PAX3: variants seen among roughly 807,000 people sequenced by gnomAD.
The protein encoded by PAX3 is paired box 3.
PAX3 carries 14 observed loss-of-function variants against 51.6 expected under a neutral mutation model. The observed-to-expected ratio is 0.27, with a 90% CI of 0.18 to 0.42. The LOEUF (loss-of-function observed/expected upper bound fraction) is 0.42, where lower values mean the gene tolerates loss of function less well. PAX3 is among the 10% of genes least tolerant of loss of function. PAX3 has a pLI of 1.00. For synonymous variants in PAX3, 280 were observed against 253.4 expected (o/e 1.11, Z -1.00); for missense variants, 540 against 642.8 (o/e 0.84, Z 1.73).
At chr2:222,222,675 G>A (rs1282023032) in intron 5 of PAX3, among the ~76,000 whole-genome samples, 3 of 152,154 alleles carry the variant, frequency 2.0e-5, no homozygotes, top group Non-Finnish European at 4.4e-5. Flanking sequence ...GATTACAGGC[G>A]TGAGCCACCC....
chr2:222,236,354 A>T (rs1310309896), intron 4 of PAX3, among the ~76,000 whole-genome samples: 2 of 152,106 alleles, frequency 1.3e-5, no homozygotes, highest in Non-Finnish European at 2.9e-5. Context: ...CCAGCCTCCC[A>T]AATAGCTGGG....
chr2:222,201,844 A>G, intron 8 of PAX3, 100 bp downstream of exon 8: 1 of 1,610,026 alleles, frequency 6.2e-7, no homozygotes, highest in Non-Finnish European at 8.5e-7. Flanking sequence ...TGATACCGGC[A>G]TGTGTGGCTT....
At chr2:222,221,740 C>G (rs959763474) in intron 5 of PAX3, 1 of 311,914 alleles carries the variant, frequency 3.2e-6, no homozygotes, top group African/African-American at 2.1e-5. Context: ...GGGGAGGATA[C>G]ATGAGCCTCT....
At chr2:222,259,075 ACATTT>A (rs1223591142) in intron 4 of PAX3, among the ~76,000 whole-genome samples, 1 of 152,224 alleles carries the variant, frequency 6.6e-6, no homozygotes, top group Admixed American at 6.5e-5. Context: ...AATAATCTTA[ACATTT>A]CAAGTTTCCT....
chr2:222,265,320 C>T (rs886614430), intron 4 of PAX3, among the ~76,000 whole-genome samples: 5 of 152,250 alleles, frequency 3.3e-5, no homozygotes, highest in Middle Eastern at 3.4e-3. Context: ...CTAGGTTCTA[C>T]GCTTTCCCCG....
chr2:222,207,320 A>G (rs1691550365), intron 7 of PAX3, among the ~76,000 whole-genome samples: 1 of 152,194 alleles, frequency 6.6e-6, no homozygotes, highest in Non-Finnish European at 1.5e-5. Context: ...CTAAATAATT[A>G]GATTTTGGGT....
At chr2:222,256,873 GA>G (rs1693666322) in intron 4 of PAX3, among the ~76,000 whole-genome samples, 1 of 152,226 alleles carries the variant, frequency 6.6e-6, no homozygotes, top group African/African-American at 2.4e-5. Context: ...TAAAAAGACA[GA>G]TAGGGCCACC....
At chr2:222,296,910 C>G (rs45518739) in intron 2 of PAX3, 68 bp downstream of exon 2, 2 of 1,339,988 alleles carry the variant, frequency 1.5e-6, no homozygotes, top group Non-Finnish European at 2.1e-6. Context: ...CCGTTACCCC[C>G]CGCCCGGTCT....
At chr2:222,255,322 A>T (rs1359517049) in intron 4 of PAX3, among the ~76,000 whole-genome samples, 2 of 152,128 alleles carry the variant, frequency 1.3e-5, no homozygotes, top group Non-Finnish European at 2.9e-5. Flanking sequence ...CTTCAAGGAG[A>T]TAGGCTGAGC....
At chr2:222,242,470 T>C (rs1693053193) in intron 4 of PAX3, 1 of 152,196 alleles carries the variant, frequency 6.6e-6, no homozygotes, top group Non-Finnish European at 1.5e-5. Flanking sequence ...TTTGGAGGGA[T>C]ACTGTCATCC....
At chr2:222,242,285 C>G (rs531475826) in intron 4 of PAX3, 2 of 152,242 alleles carry the variant, frequency 1.3e-5, no homozygotes, top group South Asian at 4.2e-4. Context: ...ACAGATCTCT[C>G]AAAGCCCTTC....
At chr2:222,278,124 AT>A (rs1694496049) in intron 4 of PAX3, among the ~76,000 whole-genome samples, 1 of 152,098 alleles carries the variant, frequency 6.6e-6, no homozygotes, top group Non-Finnish European at 1.5e-5. Context: ...CAATTTCTGA[AT>A]CCCAGATATC....
Position 222,220,180 on chromosome 2 carries a change from T to C in PAX3, c.1133A>G (p.Asn378Ser). The C allele has an allele frequency of 6.2e-7, 1 of 1,613,530 alleles. No individual in the cohort carries two copies. The highest frequency in any genetic ancestry group is 2.2e-5 in the East Asian group (1 of 44,784). ...ATTGCCAATGGTGGGGTTCATGGGG[T>C]TGGAGGGCCCCGACGGAGGCACAAA... is the stretch of plus-strand genomic sequence containing the variant. Reference protein sequence around the residue: ...DSFVPPSGPSNPMNPTIGNGL... With the variant: ...DSFVPPSGPSSPMNPTIGNGL... The change falls in exon 7 of 9, where the codon AAC becomes AGC. Residue 378 changes from asparagine to serine, a missense_variant. This residue lies in a region of PAX3 where 427 missense variants were observed against 483.6 expected (regional missense o/e 0.88). Transcript: ENST00000392070.
At chr2:222,222,240 G>A (rs1214275508) in intron 5 of PAX3, among the ~76,000 whole-genome samples, 2 of 151,986 alleles carry the variant, frequency 1.3e-5, no homozygotes, top group Admixed American at 6.6e-5. Context: ...TGTGATATAA[G>A]GCCTTTCATG....
chr2:222,270,093 C>T (rs1293013406), intron 4 of PAX3, among the ~76,000 whole-genome samples: 3 of 152,222 alleles, frequency 2.0e-5, no homozygotes, highest in Non-Finnish European at 4.4e-5. Context: ...AGCAAACCAA[C>T]AGCACCAGAG....
At chr2:222,266,486 A>T (rs774458268) in intron 4 of PAX3, among the ~76,000 whole-genome samples, 6 of 152,160 alleles carry the variant, frequency 3.9e-5, no homozygotes, top group Non-Finnish European at 7.4e-5. Context: ...CCCCCTCCTC[A>T]GTTATTTCTT....
intron 7 of PAX3, among the ~76,000 whole-genome samples, chr2:222,211,055 C>T (rs151027299): frequency 3.3e-5 from 5 of 152,052 alleles, no homozygotes; most frequent in Admixed American, 2.0e-4. Context: ...TTTGTAGAGA[C>T]GAGGTCTCAC....
chr2:222,245,309 T>C (rs1693182702), intron 4 of PAX3, among the ~76,000 whole-genome samples: 3 of 152,236 alleles, frequency 2.0e-5, no homozygotes, highest in African/African-American at 7.2e-5. Context: ...TTTAGTTTGA[T>C]TTTCATGGGG....
At chr2:222,284,445 G>A (rs529857489) in intron 4 of PAX3, among the ~76,000 whole-genome samples, 7 of 152,200 alleles carry the variant, frequency 4.6e-5, no homozygotes, top group Non-Finnish European at 1.0e-4. Context: ...TTTAAGCTGG[G>A]AGGAAAAGTA....
Sources: allele counts gnomAD v4.1 joint callset (sites outside exome capture counted in the v4.1 genomes callset), GRCh38; gene constraint gnomAD v4.1.1; regional missense constraint gnomAD v4.1.1; transcripts MANE v1.5; gene names NCBI Gene and HGNC (gene_info 2026-07-23, HGNC 2026-07-21).